Variants in FIBCD1 observed in about 807,000 individuals in gnomAD.
FIBCD1 encodes the protein fibrinogen C domain-containing protein 1.
Under a neutral mutation model 45.1 loss-of-function variants are expected in FIBCD1, and 47 were observed. That is an observed-to-expected ratio of 1.04 (90% CI 0.82 to 1.33). The LOEUF is 1.33. FIBCD1 is among the 40% of genes most tolerant of loss of function. FIBCD1 has a pLI of 0.00. For synonymous variants in FIBCD1, 313 were observed against 308.1 expected, an observed-to-expected ratio of 1.02 and a Z score of -0.17; for missense variants, 653 against 682.2, an observed-to-expected ratio of 0.96 and a Z score of 0.48.
rs571804261 is a variant in FIBCD1, at chr9:130,924,131, G to A, written c.712+106C>T. On this transcript the variant is annotated intron_variant, in intron 3 of 6. Coordinates refer to ENST00000372338, the MANE Select transcript of FIBCD1 (RefSeq NM_032843.5). ...TTCAGCGCAGGCCACATGGAAGTAG[G>A]GTCGGGCCCTGGAGTCTCATGGCTG... 5.8e-5 allele frequency: 81 copies of A among 1,398,846 alleles called. 1 individual carries two copies. In the South Asian group the frequency reaches 1.0e-3, roughly 18 times the overall value. 86.7% of individuals were successfully genotyped at this position (1,398,846 alleles called of 1,614,324 possible).
rs1023926567 is a variant in FIBCD1, at chr9:130,921,395, T to C, written c.849+2349A>G. On this transcript the variant is annotated intron_variant, in intron 4 of 6. Transcript: ENST00000372338. ...ATCCTGACAGATGTCGAGAGGTTCC[T>C]GGGAAAAGATTGCTTCTGATGGAGG... Among the ~76,000 whole-genome samples the C allele has an allele frequency of 1.1e-4, 16 of 152,346 alleles. No homozygotes were observed. In the South Asian group the frequency reaches 1.7e-3, roughly 16 times the overall value.
At chr9:130,925,578 T>C (rs1832344573) in intron 2 of FIBCD1, among the ~76,000 whole-genome samples, 1 of 152,052 alleles carries the variant, frequency 6.6e-6, no homozygotes, top group South Asian at 2.1e-4. Flanking sequence ...CAGGAGAGCC[T>C]GGGCTGGGGA....
intron 2 of FIBCD1, 71 bp downstream of exon 2, chr9:130,929,496 C>CTGGCACATGGCACA: frequency 1.4e-6 from 2 of 1,468,660 alleles, no homozygotes; most frequent in South Asian, 3.0e-5. Context: ...CATCAGGCGC[C>CTGGCACATGGCACA]TGGCACATGG....
Position 130,926,840 on chromosome 9 carries a change from A to G in FIBCD1, c.553-2444T>C, listed in dbSNP as rs1422637471. On this transcript the variant is annotated intron_variant, in intron 2 of 6. Transcript: ENST00000372338. The surrounding 1 kb of genome is among the most constrained non-coding windows in gnomAD (Gnocchi z 4.1). ...CCGTGTCTCAAAAAATAAATAAATGAATTAAAATAAAATAAAATGGGATAA... is the reference window on the plus strand; with the variant it reads ...CCGTGTCTCAAAAAATAAATAAATGGATTAAAATAAAATAAAATGGGATAA... 2.0e-5 allele frequency among the ~76,000 whole-genome samples: 3 copies of G among 152,092 alleles called. No homozygotes were observed. Among genetic ancestry groups the G allele is most frequent in the Admixed American group, 6.5e-5 (1 of 15,268 alleles).
intron 4 of FIBCD1, among the ~76,000 whole-genome samples, chr9:130,912,236 T>C (rs1832068806): frequency 2.0e-5 from 3 of 151,128 alleles, no homozygotes. Flanking sequence ...TGAGACCCCA[T>C]CTTTACAAAA....
intron 1 of FIBCD1, chr9:130,936,489 G>C (rs1245215501): frequency 2.0e-5 from 3 of 152,286 alleles, no homozygotes; most frequent in African/African-American, 7.2e-5. Context: ...AACAGCCCTC[G>C]AGCTTCCTCC....
At chr9:130,918,160 C>G (rs185204317) in intron 4 of FIBCD1, among the ~76,000 whole-genome samples, 52 of 152,362 alleles carry the variant, frequency 3.4e-4, no homozygotes, top group Non-Finnish European at 5.3e-4. Context: ...ATTATAAAAG[C>G]CTCAACCCAC....
intron 1 of FIBCD1, among the ~76,000 whole-genome samples, chr9:130,937,748 C>G (rs918083231): frequency 8.5e-5 from 13 of 152,222 alleles, no homozygotes; most frequent in Non-Finnish European, 1.6e-4. Context: ...GGGCTCCCCT[C>G]CGCCTTGGCT....
upstream of FIBCD1, chr9:130,939,410 G>C (rs1221124226): frequency 6.6e-6 from 1 of 152,188 alleles, no homozygotes; most frequent in Non-Finnish European, 1.5e-5. Flanking sequence ...TCCAGGTCCC[G>C]GGGCAAGTGC....
intron 1 of FIBCD1, chr9:130,930,651 G>A (rs537077670): frequency 1.7e-4 from 75 of 433,398 alleles, no homozygotes; most frequent in Admixed American, 8.4e-4. Context: ...TGTGGCCCCC[G>A]TGGAGCCCAC....
chr9:130,938,442 A>G (rs1438155590), intron 1 of FIBCD1, 94 bp downstream of exon 1: 2 of 1,118,806 alleles, frequency 1.8e-6, no homozygotes, highest in Non-Finnish European at 2.4e-6. Context: ...TGCGCCCCAA[A>G]CTCCAGCCCC....
At chr9:130,938,313 C>T in intron 1 of FIBCD1, 1 of 427,446 alleles carries the variant, frequency 2.3e-6, no homozygotes, top group East Asian at 4.0e-5. Flanking sequence ...ACCTGGCCCG[C>T]AGCGCGCGTG....
At chr9:130,909,915 G>C (rs949709695) in intron 5 of FIBCD1, among the ~76,000 whole-genome samples, 1 of 152,234 alleles carries the variant, frequency 6.6e-6, no homozygotes, top group Non-Finnish European at 1.5e-5. Flanking sequence ...GTTGCCTCCA[G>C]GCCCAAACAG....
rs1178886032 is a variant in FIBCD1 at position 130,938,625 on chromosome 9, G to C, written c.-18C>G. The stretch of plus-strand genomic sequence containing the variant: ...TTGACCATCTTCCGGCAGGACTGGC[G>C]GGGGCGCCGGGCGAGGCGCGCCGCT... On this transcript the variant is annotated 5_prime_UTR_variant, in exon 1 of 7. Transcript: ENST00000372338. 1.4e-6 allele frequency: 2 copies of C among 1,418,770 alleles called. No homozygotes were observed. The highest frequency in any genetic ancestry group is 1.8e-6 in the Non-Finnish European group (2 of 1,083,600). 87.9% of individuals were successfully genotyped at this position (1,418,770 alleles called of 1,614,324 possible).
At chr9:130,917,208 T>C (rs1231271330) in intron 4 of FIBCD1, among the ~76,000 whole-genome samples, 3 of 152,228 alleles carry the variant, frequency 2.0e-5, no homozygotes, top group Admixed American at 1.3e-4. Context: ...GGGGCGTCTC[T>C]CTTGGGTCCC....
chr9:130,913,563 G>A (rs961053062), intron 4 of FIBCD1, among the ~76,000 whole-genome samples: 3 of 152,142 alleles, frequency 2.0e-5, no homozygotes, highest in African/African-American at 7.2e-5. Flanking sequence ...CTCCTTTTTC[G>A]TGCTTTGCTA....
chr9:130,925,988 G>C (rs1269327948), intron 2 of FIBCD1, among the ~76,000 whole-genome samples: 1 of 152,220 alleles, frequency 6.6e-6, no homozygotes, highest in Admixed American at 6.5e-5. Flanking sequence ...CTGCTGAGCA[G>C]GTGATTCAGT....
At chr9:130,930,177 G>A in intron 1 of FIBCD1, 131 bp from the exon 2 acceptor site, 1 of 1,162,634 alleles carries the variant, frequency 8.6e-7, no homozygotes, top group Non-Finnish European at 1.2e-6. Flanking sequence ...CACAGAGACT[G>A]AGATGAGACA....
chr9:130,912,704 G>GGA (rs775978177), intron 4 of FIBCD1, among the ~76,000 whole-genome samples: 2 of 141,942 alleles, frequency 1.4e-5, no homozygotes, highest in Non-Finnish European at 3.1e-5. Flanking sequence ...AAAACTGTCT[G>GGA]AAAAAAAAAA....
Sources: gnomAD v4.1 joint callset for allele counts (sites outside exome capture counted in the v4.1 genomes callset) on GRCh38, gnomAD v4.1.1 for gene constraint, Gnocchi (gnomAD v3.1) non-coding constraint, MANE v1.5 for transcripts, NCBI Gene and HGNC (gene_info 2026-07-23, HGNC 2026-07-21) for gene names.